Variants in TMEM163 observed in about 807,000 individuals in gnomAD.
TMEM163 encodes the protein transmembrane protein 163.
TMEM163 carries 17 observed loss-of-function variants against 29.3 expected under a neutral mutation model. That is an observed-to-expected ratio of 0.58 (90% confidence interval 0.40 to 0.87). The LOEUF (loss-of-function observed/expected upper bound fraction) is 0.87, where lower values mean the gene tolerates loss of function less well. Ranked by LOEUF, TMEM163 falls within the 40% of genes least tolerant of loss-of-function variation. The pLI is 0.00. For missense variants in TMEM163, 303 were observed against 381.5 expected (o/e 0.79, Z 1.71); for synonymous variants, 157 against 160.6 (o/e 0.98, Z 0.17).
At chr2:134,679,451 A>ATATGACCTTGCCTATATGAAGT (rs1421209468) in intron 2 of TMEM163, among the ~76,000 whole-genome samples, 8 of 152,178 alleles carry the variant, frequency 5.3e-5, no homozygotes, top group African/African-American at 1.9e-4. Flanking sequence ...GGCCTTGCCT[A>ATATGACCTTGCCTATATGAAGT]GGCCACCCAC....
intron 4 of TMEM163, among the ~76,000 whole-genome samples, chr2:134,506,745 C>T (rs1679832728): frequency 6.6e-6 from 1 of 152,210 alleles, no homozygotes; most frequent in Admixed American, 6.5e-5. Flanking sequence ...AGATTTGAGT[C>T]AGGAGCAAAC....
intron 4 of TMEM163, among the ~76,000 whole-genome samples, chr2:134,520,890 G>C (rs1261303126): frequency 6.6e-6 from 1 of 152,192 alleles, no homozygotes; most frequent in Non-Finnish European, 1.5e-5. Context: ...TGATTCCTGG[G>C]CTCCCCCTTG....
At chr2:134,568,066 TAATAG>T (rs1172230707) in intron 2 of TMEM163, among the ~76,000 whole-genome samples, 1 of 152,250 alleles carries the variant, frequency 6.6e-6, no homozygotes, top group African/African-American at 2.4e-5. Flanking sequence ...GTAAGATTTA[TAATAG>T]AATAAGGTAA....
chr2:134,465,040 A>G (rs1431366302), intron 6 of TMEM163, among the ~76,000 whole-genome samples: 3 of 152,082 alleles, frequency 2.0e-5, no homozygotes, highest in Non-Finnish European at 4.4e-5. Context: ...AGAGTTTTGG[A>G]CAAGGAAGTA....
intron 4 of TMEM163, among the ~76,000 whole-genome samples, chr2:134,539,923 G>A (rs980250875): frequency 2.0e-5 from 3 of 152,164 alleles, no homozygotes; most frequent in African/African-American, 2.4e-5. Context: ...TCTCACCCTC[G>A]TGCCTGTCTT....
At chr2:134,643,833 T>G (rs182433716) in intron 2 of TMEM163, among the ~76,000 whole-genome samples, 1 of 151,982 alleles carries the variant, frequency 6.6e-6, no homozygotes, top group Non-Finnish European at 1.5e-5. Context: ...TGTCCTTATT[T>G]GCAGATGATA....
At chr2:134,568,042 A>C (rs1244603664) in intron 2 of TMEM163, among the ~76,000 whole-genome samples, 2 of 152,254 alleles carry the variant, frequency 1.3e-5, no homozygotes, top group Non-Finnish European at 2.9e-5. Context: ...AACTTAAAAT[A>C]AAACTAGACT....
intron 2 of TMEM163, among the ~76,000 whole-genome samples, chr2:134,598,661 C>T (rs1682148182): frequency 6.6e-6 from 1 of 152,134 alleles, no homozygotes; most frequent in Non-Finnish European, 1.5e-5. Context: ...TGCCTGTAAT[C>T]CCAGCACTTT....
chr2:134,697,294 C>T (rs971841870), intron 2 of TMEM163, among the ~76,000 whole-genome samples: 1 of 152,052 alleles, frequency 6.6e-6, no homozygotes, highest in African/African-American at 2.4e-5. Context: ...TCCTTATCTT[C>T]ATTTTAGATT....
intron 4 of TMEM163, among the ~76,000 whole-genome samples, chr2:134,503,579 A>G: frequency 6.6e-6 from 1 of 152,254 alleles, no homozygotes; most frequent in East Asian, 1.9e-4. Context: ...TATGACGTTG[A>G]TAGACCCCTT....
Position 134,519,889 on chromosome 2 carries a change from C to CAA in TMEM163, c.459-16894_459-16893dup, listed in dbSNP as rs552174731. ...TGGGTGACAGAGCAAGACCCCACCTCAAAAAAAAAAAAAAAAAAAATTCCC... is the reference window on the plus strand; with the variant it reads ...TGGGTGACAGAGCAAGACCCCACCTCAAAAAAAAAAAAAAAAAAAAAATTCCC... On this transcript the variant is annotated intron_variant, in intron 4 of 7. Coordinates refer to ENST00000281924, the MANE Select transcript of TMEM163 (RefSeq NM_030923.5). Among the ~76,000 whole-genome samples the CAA allele has an allele frequency of 6.8e-3, 655 of 96,116 alleles. 8 individuals are homozygous for CAA. Among genetic ancestry groups the CAA allele is most frequent in the Middle Eastern group, 0.038 (7 of 184 alleles). The allele number at this position is 96,116 out of a possible 152,430, so 63.1% of individuals were successfully genotyped here. A position where few individuals can be genotyped will look rare whatever the true frequency, so the allele number is the denominator to read the frequency against.
intron 2 of TMEM163, among the ~76,000 whole-genome samples, chr2:134,678,905 A>C (rs931801781): frequency 3.3e-5 from 5 of 152,234 alleles, no homozygotes; most frequent in Admixed American, 6.5e-5. Flanking sequence ...TGTATGTGAG[A>C]ACAGCTATTA....
chr2:134,713,592 C>T (rs1323152780), intron 1 of TMEM163: 3 of 574,386 alleles, frequency 5.2e-6, no homozygotes, highest in Admixed American at 4.3e-5. Flanking sequence ...CAGACCCCAC[C>T]ACTCCTTGAC....
In TMEM163 at chr2:134,456,321, C is replaced by G; in HGVS notation, c.*395G>C. ...TTAAGACCTGCCAGGAAAGGAGAGA[C>G]TTGGAACCAGGAGTGGCAGGGCCAC... On this transcript the variant is annotated 3_prime_UTR_variant, in exon 8 of 8. Transcript: ENST00000281924. 1 of 179,428 alleles carries G rather than the reference C, an allele frequency of 5.6e-6. No homozygotes were observed. Among genetic ancestry groups the G allele is most frequent in the Non-Finnish European group, 1.2e-5 (1 of 85,118 alleles). 11.1% of individuals were successfully genotyped at this position (179,428 alleles called of 1,614,324 possible).
At chr2:134,610,489 C>A (rs1682480969) in intron 2 of TMEM163, among the ~76,000 whole-genome samples, 1 of 152,192 alleles carries the variant, frequency 6.6e-6, no homozygotes, top group Non-Finnish European at 1.5e-5. Flanking sequence ...GACATACAGT[C>A]CCGGTGGATT....
At chr2:134,680,129 C>G (rs373323496) in intron 2 of TMEM163, among the ~76,000 whole-genome samples, 1 of 152,128 alleles carries the variant, frequency 6.6e-6, no homozygotes, top group Non-Finnish European at 1.5e-5. Context: ...TGTTCAGAAG[C>G]CTGTTAACTA....
chr2:134,690,106 T>G (rs1002641365), intron 2 of TMEM163, among the ~76,000 whole-genome samples: 1 of 152,068 alleles, frequency 6.6e-6, no homozygotes, highest in Non-Finnish European at 1.5e-5. Flanking sequence ...AATTTTTGTA[T>G]TTTTAGTAGA....
At chr2:134,708,348 C>T (rs148427739) in intron 2 of TMEM163, among the ~76,000 whole-genome samples, 1 of 152,226 alleles carries the variant, frequency 6.6e-6, no homozygotes, top group East Asian at 1.9e-4. Flanking sequence ...ACAGAAGAAT[C>T]GTGCAATTTC....
rs1686440808 is a variant in TMEM163 at position 134,458,036 on chromosome 2, C to A, written c.805G>T (p.Val269Phe). ...CAGGAAAGCACAAGAACCTACTTGA[C>A]CCCATAGGCAAATATGGTGAGGCCG... is the stretch of plus-strand genomic sequence containing the variant. ...LIGLTIFAYGVKLLIDMVPRV... is the reference protein window; with the variant it reads ...LIGLTIFAYGFKLLIDMVPRV... Residue 269 changes from valine to phenylalanine, a missense_variant, in exon 7 of 8, where the codon GTC (valine) becomes TTC (phenylalanine). This residue lies in a region of TMEM163 where 203 missense variants were observed against 294.3 expected (regional missense o/e 0.69). Coordinates refer to ENST00000281924, the MANE Select transcript of TMEM163 (RefSeq NM_030923.5). The A allele has an allele frequency of 5.6e-6, 9 of 1,614,170 alleles. No homozygotes were observed. Among genetic ancestry groups the A allele is most frequent in the South Asian group, 1.1e-5 (1 of 91,082 alleles).
Sources: gnomAD v4.1 joint callset for allele counts (sites outside exome capture counted in the v4.1 genomes callset) on GRCh38, gnomAD v4.1.1 for gene constraint, gnomAD v4.1.1 regional missense constraint, MANE v1.5 for transcripts, NCBI Gene and HGNC (gene_info 2026-07-23, HGNC 2026-07-21) for gene names.